Variants in SNX31 observed in about 807,000 individuals in gnomAD.
The protein encoded by SNX31 is sorting nexin-31.
A neutral mutation model predicts 65.4 loss-of-function variants in SNX31; 58 were observed. That is an observed-to-expected ratio of 0.89 (90% CI 0.72 to 1.10). The LOEUF (loss-of-function observed/expected upper bound fraction) is 1.10. Ranked by LOEUF, SNX31 falls within the 50% of genes least tolerant of loss-of-function variation. The probability of loss-of-function intolerance (pLI) is 0.00; values close to 1 mark genes in which losing one functional copy is unlikely to be tolerated. For synonymous variants in SNX31, 181 were observed against 190.1 expected (o/e 0.95, Z 0.39); for missense variants, 523 against 529.7 (o/e 0.99, Z 0.12).
At chr8:100,596,135 G>A (rs900399300) in intron 10 of SNX31, among the ~76,000 whole-genome samples, 4 of 152,242 alleles carry the variant, frequency 2.6e-5, no homozygotes, top group African/African-American at 9.6e-5. Context: ...TAGCTCACTG[G>A]GGTCTTATAG....
chr8:100,628,425 A>T (rs531332946), intron 4 of SNX31, among the ~76,000 whole-genome samples: 2 of 152,148 alleles, frequency 1.3e-5, no homozygotes, highest in East Asian at 3.8e-4. Flanking sequence ...AAATGATGAG[A>T]TCATATCCTT....
chr8:100,655,883 T>C (rs1296102276), intron 1 of SNX31, among the ~76,000 whole-genome samples: 1 of 152,134 alleles, frequency 6.6e-6, no homozygotes, highest in East Asian at 1.9e-4. Flanking sequence ...GTGGCCAGTG[T>C]GCAGGGAATG....
intron 4 of SNX31, among the ~76,000 whole-genome samples, chr8:100,627,372 A>G (rs1223203316): frequency 1.3e-5 from 2 of 152,154 alleles, no homozygotes; most frequent in Non-Finnish European, 2.9e-5. Flanking sequence ...CAAACAAACA[A>G]ACAGAGATAT....
At chr8:100,662,793 T>G (rs1350175615) in intron 1 of SNX31, among the ~76,000 whole-genome samples, 1 of 152,236 alleles carries the variant, frequency 6.6e-6, no homozygotes, top group Non-Finnish European at 1.5e-5. Context: ...TTTCAGCTGT[T>G]GCTTGAATGG....
chr8:100,612,032 C>T lies in SNX31; in HGVS notation c.579G>A (p.Glu193=), dbSNP rs749178730. The T allele has an allele frequency of 2.2e-5, 35 of 1,614,028 alleles. 1 individual carries two copies. In the Admixed American group the frequency reaches 5.7e-4, roughly 26 times the overall value. Residue 193 remains glutamate (E), a synonymous_variant, in exon 7 of 14, where the codon GAG becomes GAA. Coordinates refer to ENST00000311812, the MANE Select transcript of SNX31 (RefSeq NM_152628.4). This position sits in a 1 kb window ranked among gnomAD's most constrained non-coding sequence, Gnocchi z 4.3. ...GGAGTCCAACCTTACAGTTTTCCAC[C>T]TCAGAACTTCCAAGACTAACATAAG... is the stretch of plus-strand genomic sequence containing the variant. ...ELPYVSLGSS[E]VENCKVGLRK...
At position 100,577,094 on chromosome 8, in the gene SNX31, T is replaced by C. The variant is rs1813109898; in HGVS notation, c.1171-19A>G. The C allele has an allele frequency of 6.2e-7, 1 of 1,609,692 alleles. No individual in the cohort carries two copies. Among genetic ancestry groups the C allele is most frequent in the East Asian group, 2.2e-5 (1 of 44,790 alleles). ...CAATCTGCTAGATAGATTAGTGAAA[T>C]GTCAGTCAGCTCAGCCCAGAGAAGC... On this transcript the variant is annotated intron_variant, in intron 12 of 13. Transcript: ENST00000311812.
chr8:100,653,853 G>C (rs996842065), upstream of SNX31, among the ~76,000 whole-genome samples: 57 of 152,350 alleles, frequency 3.7e-4, no homozygotes, highest in African/African-American at 1.3e-3. Context: ...GAGGAAAGGA[G>C]ACAGTGTCCT....
intron 4 of SNX31, among the ~76,000 whole-genome samples, chr8:100,621,855 A>G (rs551736540): frequency 5.3e-4 from 80 of 152,258 alleles, no homozygotes; most frequent in Non-Finnish European, 8.4e-4. Context: ...CCAGGTTTCG[A>G]TGCTCAGTGC....
intron 3 of SNX31, among the ~76,000 whole-genome samples, chr8:100,635,551 T>C (rs1015624018): frequency 3.8e-5 from 5 of 130,136 alleles, no homozygotes; most frequent in Non-Finnish European, 6.2e-5. Context: ...AGACTTCATC[T>C]CTTAAAAAAA....
rs1400725117 is a variant in SNX31, at chr8:100,617,669, C to T, written c.383G>A (p.Ser128Asn). Residue 128 changes from serine (S) to asparagine (N), a missense_variant, in exon 5 of 14, where the codon AGT becomes AAT. Physicochemically the swap from Ser to Asn is conservative, Grantham distance 46. Transcript: ENST00000311812. ...YLDIFLPNEQ[S>N]IRIEIITSDT... Reference sequence around the variant, plus strand: ...TGATGTTATAATTTCGATTCTAATACTCTGTTCATTGGGCAGAAATATGTC... The same window carrying T: ...TGATGTTATAATTTCGATTCTAATATTCTGTTCATTGGGCAGAAATATGTC... 1 of 1,613,724 alleles carries T rather than the reference C, an allele frequency of 6.2e-7. No individual in the cohort carries two copies. The highest frequency in any genetic ancestry group is 1.1e-5 in the South Asian group (1 of 91,042).
intron 12 of SNX31, among the ~76,000 whole-genome samples, chr8:100,583,790 C>T (rs1023530289): frequency 6.6e-6 from 1 of 152,178 alleles, no homozygotes; most frequent in African/African-American, 2.4e-5. Context: ...GAAGATGTAG[C>T]TTCTGTAATA....
intron 8 of SNX31, among the ~76,000 whole-genome samples, chr8:100,607,756 A>G (rs1397294181): frequency 2.0e-5 from 3 of 152,274 alleles, no homozygotes; most frequent in African/African-American, 7.2e-5. Context: ...GCATGAAAAT[A>G]TCTCATGTAA....
intron 2 of SNX31, among the ~76,000 whole-genome samples, chr8:100,647,063 C>T (rs1819691262): frequency 1.3e-5 from 2 of 152,026 alleles, no homozygotes; most frequent in Admixed American, 1.3e-4. Context: ...GTACCAAACT[C>T]AGCACACAGT....
In SNX31 at chr8:100,649,297, GGCTGTAGC is replaced by G. The variant is rs756114741; in HGVS notation, c.110_117del (p.Arg37ProfsTer34). The G allele has an allele frequency of 2.5e-6, 4 of 1,614,072 alleles. No individual in the cohort carries two copies. In the South Asian group the frequency reaches 3.3e-5, roughly 13 times the overall value. On this transcript the variant is annotated frameshift_variant, in exon 2 of 14. Coordinates refer to ENST00000311812, the MANE Select transcript of SNX31 (RefSeq NM_152628.4). LOFTEE classifies it high-confidence loss of function. Reference sequence around the variant, plus strand: ...ACCTGTTCGTTCCAACCGTGCAGCTGGCTGTAGCGCACCCTGCAGAAGAGGAACCCGTC... The same window carrying G: ...ACCTGTTCGTTCCAACCGTGCAGCTGGCACCCTGCAGAAGAGGAACCCGTC...
chr8:100,655,649 A>G (rs1157560877), intron 1 of SNX31, among the ~76,000 whole-genome samples: 1 of 152,198 alleles, frequency 6.6e-6, no homozygotes, highest in Non-Finnish European at 1.5e-5. Context: ...CTTTTTCTTT[A>G]TAAATTACCT....
At chr8:100,659,562 C>T (rs1473160057) in intron 1 of SNX31, among the ~76,000 whole-genome samples, 1 of 152,042 alleles carries the variant, frequency 6.6e-6, no homozygotes, top group African/African-American at 2.4e-5. Context: ...GAGAATGTTT[C>T]CTGCTTTTCT....
chr8:100,594,758 T>C lies in SNX31; in HGVS notation c.978+1881A>G, dbSNP rs1316329636. Among the ~76,000 whole-genome samples, 1 of 152,194 alleles carries C rather than the reference T, an allele frequency of 6.6e-6. No individual in the cohort carries two copies. Among genetic ancestry groups the C allele is most frequent in the Non-Finnish European group, 1.5e-5 (1 of 68,028 alleles). ...CGGCAGTTTCTTTAAAAAGTAAACATGCAATTACCGTACGACCCAGCAATT... is the reference window on the plus strand; with the variant it reads ...CGGCAGTTTCTTTAAAAAGTAAACACGCAATTACCGTACGACCCAGCAATT... On this transcript the variant is annotated intron_variant, in intron 10 of 13. Coordinates refer to ENST00000311812, the MANE Select transcript of SNX31 (RefSeq NM_152628.4). This position sits in a 1 kb window ranked among gnomAD's most constrained non-coding sequence, Gnocchi z 4.0.
At chr8:100,586,532 G>A (rs574618254) in intron 11 of SNX31, among the ~76,000 whole-genome samples, 22 of 152,180 alleles carry the variant, frequency 1.4e-4, no homozygotes, top group Non-Finnish European at 2.4e-4. Context: ...AAATTTAACC[G>A]CACTTAGCAT....
chr8:100,650,855 T>TG (rs1192196359), upstream of SNX31, among the ~76,000 whole-genome samples: 14 of 148,290 alleles, frequency 9.4e-5, no homozygotes, highest in East Asian at 1.9e-4. Context: ...TTTTTGTTTT[T>TG]TTTTTTTTTG....
Sources: allele counts gnomAD v4.1 joint callset (sites outside exome capture counted in the v4.1 genomes callset), GRCh38; gene constraint gnomAD v4.1.1; non-coding constraint Gnocchi (gnomAD v3.1); transcripts MANE v1.5; gene names NCBI Gene and HGNC (gene_info 2026-07-23, HGNC 2026-07-21).